The following FSTL5 variants were observed in gnomAD, a reference collection of about 807,000 sequenced individuals.
FSTL5 encodes follistatin like 5, also known as follistatin-related protein 5.
Under a neutral mutation model 89.1 loss-of-function variants are expected in FSTL5, and 62 were observed. The ratio of observed to expected loss-of-function variants is 0.70; its 90% CI spans 0.57 to 0.86. FSTL5 has a LOEUF of 0.86. FSTL5 is among the 40% of genes least tolerant of loss of function. The pLI, the probability that FSTL5 is intolerant of heterozygous loss-of-function variation, is 0.00. For synonymous variants in FSTL5, 383 were observed against 346.2 expected (o/e 1.11, Z -1.18); for missense variants, 1,057 against 1,001.6 (o/e 1.06, Z -0.75).
chr4:161,963,640 ATTG>A (rs1292737846), intron 3 of FSTL5, among the ~76,000 whole-genome samples: 1 of 151,962 alleles, frequency 6.6e-6, no homozygotes, highest in Non-Finnish European at 1.5e-5. Flanking sequence ...TTTCTGAGTA[ATTG>A]ATGCAATTCA....
At chr4:161,474,578 C>T (rs1183732901) in intron 13 of FSTL5, among the ~76,000 whole-genome samples, 1 of 149,100 alleles carries the variant, frequency 6.7e-6, no homozygotes, top group East Asian at 2.0e-4. Context: ...CGGAGTCTCG[C>T]TCTCTCGCTC....
At chr4:161,533,227 G>C (rs1043076683) in intron 10 of FSTL5, among the ~76,000 whole-genome samples, 1 of 148,596 alleles carries the variant, frequency 6.7e-6, no homozygotes, top group Non-Finnish European at 1.5e-5. Flanking sequence ...ACTAGAATGA[G>C]AGAAGAACTG....
At chr4:162,096,416 G>T (rs890427533) in intron 2 of FSTL5, among the ~76,000 whole-genome samples, 1 of 151,322 alleles carries the variant, frequency 6.6e-6, no homozygotes, top group East Asian at 1.9e-4. Context: ...CTTATATATT[G>T]TAATAGATAT....
At chr4:161,900,917 T>A (rs1733343558) in intron 4 of FSTL5, among the ~76,000 whole-genome samples, 1 of 152,088 alleles carries the variant, frequency 6.6e-6, no homozygotes, top group South Asian at 2.1e-4. Flanking sequence ...CAGTACTGTT[T>A]AACTTTTTTC....
At chr4:161,991,565 T>C (rs1736112746) in intron 3 of FSTL5, among the ~76,000 whole-genome samples, 1 of 152,208 alleles carries the variant, frequency 6.6e-6, no homozygotes, top group Non-Finnish European at 1.5e-5. Flanking sequence ...TTCAACTGCA[T>C]GTATTGACTT....
rs192173740 is a variant in FSTL5 at position 161,438,908 on chromosome 4, C to T, written c.1841+16096G>A. ...AATGTAAGTATAGGTTATATCCCTT[C>T]TAAAGTCTATGCTGGTATTATATGA... On this transcript the variant is annotated intron_variant, in intron 15 of 15. Coordinates refer to ENST00000306100, the MANE Select transcript of FSTL5 (RefSeq NM_020116.5). Among the ~76,000 whole-genome samples the T allele has an allele frequency of 5.3e-5, 8 of 150,492 alleles. No individual in the cohort carries two copies. In the East Asian group the frequency reaches 1.4e-3, roughly 26 times the overall value.
chr4:161,679,306 CTAT>C (rs1737436718), intron 6 of FSTL5, among the ~76,000 whole-genome samples: 2 of 151,636 alleles, frequency 1.3e-5, no homozygotes, highest in Non-Finnish European at 3.0e-5. Flanking sequence ...TGAGTATCTA[CTAT>C]AAGCTACATA....
intron 2 of FSTL5, among the ~76,000 whole-genome samples, chr4:162,096,740 CTA>C (rs777044845): frequency 2.6e-5 from 4 of 151,834 alleles, no homozygotes; most frequent in Admixed American, 2.6e-4. Flanking sequence ...AACAAGTTTA[CTA>C]TATGTTATAA....
intron 6 of FSTL5, among the ~76,000 whole-genome samples, chr4:161,744,789 C>T (rs1740139602): frequency 6.6e-6 from 1 of 151,860 alleles, no homozygotes; most frequent in Admixed American, 6.6e-5. Context: ...TATTATCATG[C>T]AAATGTGAAG....
chr4:161,464,660 T>C (rs1158841004), intron 13 of FSTL5, among the ~76,000 whole-genome samples: 2 of 152,200 alleles, frequency 1.3e-5, no homozygotes, highest in Non-Finnish European at 2.9e-5. Context: ...CTTAGAATAA[T>C]ACTTAGTGAA....
At chr4:161,603,221 G>A (rs1734312645) in intron 7 of FSTL5, among the ~76,000 whole-genome samples, 1 of 152,108 alleles carries the variant, frequency 6.6e-6, no homozygotes. Context: ...TCAGACCATT[G>A]CAATCAAGTG....
intron 6 of FSTL5, among the ~76,000 whole-genome samples, chr4:161,725,607 A>G (rs1020990486): frequency 1.3e-5 from 2 of 152,162 alleles, no homozygotes; most frequent in Middle Eastern, 3.4e-3. Context: ...AGTCATTTTT[A>G]GTATTGTTAT....
At chr4:161,481,225 G>T in intron 12 of FSTL5, 56 bp from the exon 13 acceptor site, 1 of 1,343,116 alleles carries the variant, frequency 7.4e-7, no homozygotes, top group South Asian at 1.5e-5. Flanking sequence ...ACACATGCCT[G>T]ACAATATCAT....
chr4:161,609,464 A>G (rs530815288), intron 7 of FSTL5, among the ~76,000 whole-genome samples: 9 of 152,102 alleles, frequency 5.9e-5, no homozygotes, highest in Non-Finnish European at 1.3e-4. Context: ...CAAACCAACA[A>G]ATATCCATAA....
chr4:161,421,301 A>T (rs1010646648), intron 15 of FSTL5, among the ~76,000 whole-genome samples: 1 of 151,616 alleles, frequency 6.6e-6, no homozygotes, highest in Admixed American at 6.6e-5. Flanking sequence ...AGATCGCGCC[A>T]CTGCACTCCA....
At chr4:161,916,972 G>T (rs1400708436) in intron 4 of FSTL5, among the ~76,000 whole-genome samples, 1 of 152,132 alleles carries the variant, frequency 6.6e-6, no homozygotes, top group African/African-American at 2.4e-5. Context: ...TTTTGAGACA[G>T]AGTCTTGCTC....
chr4:161,557,486 A>G (rs1016588436), intron 8 of FSTL5, among the ~76,000 whole-genome samples: 11 of 151,726 alleles, frequency 7.2e-5, no homozygotes, highest in African/African-American at 1.4e-4. Context: ...ATTACCATAG[A>G]TAATTTTGGG....
chr4:161,573,147 C>T (rs1343282304), intron 8 of FSTL5, among the ~76,000 whole-genome samples: 39 of 152,088 alleles, frequency 2.6e-4, no homozygotes, highest in Admixed American at 5.2e-4. Context: ...TGGTGGCCCA[C>T]GCCTGTAGTC....
At chr4:161,869,147 C>T (rs983179175) in intron 4 of FSTL5, among the ~76,000 whole-genome samples, 1 of 151,924 alleles carries the variant, frequency 6.6e-6, no homozygotes, top group Non-Finnish European at 1.5e-5. Flanking sequence ...TTGCAGTGAG[C>T]CGAGATCGCC....
Sources: allele counts gnomAD v4.1 joint callset (sites outside exome capture counted in the v4.1 genomes callset), GRCh38; gene constraint gnomAD v4.1.1; transcripts MANE v1.5; gene names NCBI Gene and HGNC (gene_info 2026-07-23, HGNC 2026-07-21).